Variants in IREB2 observed in about 807,000 individuals in gnomAD.
IREB2 encodes iron responsive element binding protein 2.
A neutral mutation model predicts 118.8 loss-of-function variants in IREB2; 39 were observed. The ratio of observed to expected loss-of-function variants is 0.33; its 90% CI spans 0.25 to 0.43. The LOEUF is 0.43. Ranked by LOEUF, IREB2 falls within the 20% of genes least tolerant of loss-of-function variation. The probability of loss-of-function intolerance (pLI) is 1.00; values close to 1 mark genes in which losing one functional copy is unlikely to be tolerated. For synonymous variants in IREB2, 372 were observed against 392.2 expected (o/e 0.95, Z 0.61); for missense variants, 900 against 1,147.3 (o/e 0.78, Z 3.11).
chr15:78,493,858 G>A (rs765412362), intron 18 of IREB2, 51 bp from the exon 19 acceptor site: 23 of 1,558,346 alleles, frequency 1.5e-5, no homozygotes, highest in Non-Finnish European at 1.9e-5. Context: ...TCAATAGTAT[G>A]TGATTATTTT....
At chr15:78,449,205 G>A (rs1157400402) in intron 2 of IREB2, among the ~76,000 whole-genome samples, 2 of 152,046 alleles carry the variant, frequency 1.3e-5, no homozygotes, top group Non-Finnish European at 2.9e-5. Flanking sequence ...AGTAATGTCA[G>A]TAATAAAAAA....
intron 16 of IREB2, among the ~76,000 whole-genome samples, chr15:78,489,346 C>T (rs916560998): frequency 1.3e-5 from 2 of 152,034 alleles, no homozygotes; most frequent in African/African-American, 4.8e-5. Flanking sequence ...GCACATCCCG[C>T]ATATGTACCC....
chr15:78,476,098 G>A, intron 8 of IREB2, 90 bp from the exon 9 acceptor site: 1 of 925,582 alleles, frequency 1.1e-6, no homozygotes, highest in Non-Finnish European at 1.6e-6. Flanking sequence ...CACTAGTATT[G>A]GTTAAAAATT....
At chr15:78,482,142 A>C (rs1336346200) in intron 10 of IREB2, among the ~76,000 whole-genome samples, 1 of 152,092 alleles carries the variant, frequency 6.6e-6, no homozygotes, top group East Asian at 1.9e-4. Context: ...AGGCGGGAGG[A>C]TCACTTGAGC....
chr15:78,476,586 T>G, intron 9 of IREB2: 2 of 320,322 alleles, frequency 6.2e-6, no homozygotes, highest in South Asian at 1.4e-4. Context: ...TTCAAACCAT[T>G]GATCCTGACT....
chr15:78,466,212 A>G (rs2051279160), intron 4 of IREB2, 59 bp from the exon 5 acceptor site: 5 of 1,146,744 alleles, frequency 4.4e-6, no homozygotes, highest in Non-Finnish European at 6.3e-6. Flanking sequence ...TTTTTTTTTA[A>G]GAGCTAAATT....
chr15:78,468,350 C>T (rs1269278596), intron 5 of IREB2, among the ~76,000 whole-genome samples: 1 of 151,970 alleles, frequency 6.6e-6, no homozygotes, highest in Non-Finnish European at 1.5e-5. Flanking sequence ...CTTAAATGAT[C>T]CTCCTGCCTC....
chr15:78,488,031 CA>C, intron 14 of IREB2, 148 bp from the exon 15 acceptor site: 1 of 712,178 alleles, frequency 1.4e-6, no homozygotes, highest in Non-Finnish European at 2.2e-6. Flanking sequence ...AGTTTATTTG[CA>C]AGATGCATAG....
intron 2 of IREB2, among the ~76,000 whole-genome samples, chr15:78,445,745 T>A (rs2050918288): frequency 6.6e-6 from 1 of 152,200 alleles, no homozygotes; most frequent in African/African-American, 2.4e-5. Flanking sequence ...ACTAACCGGT[T>A]AAGAGTGTAC....
At chr15:78,449,274 T>C (rs1050304941) in intron 2 of IREB2, among the ~76,000 whole-genome samples, 2 of 152,218 alleles carry the variant, frequency 1.3e-5, no homozygotes, top group Non-Finnish European at 2.9e-5. Flanking sequence ...TAAGCTCTGT[T>C]ATACACTTGG....
At chr15:78,480,282 G>C (rs1391749159) in intron 10 of IREB2, 1 of 152,122 alleles carries the variant, frequency 6.6e-6, no homozygotes, top group East Asian at 1.9e-4. Flanking sequence ...CTAGTGCTTT[G>C]TCCATTTTTT....
In IREB2 at chr15:78,482,987, C is replaced by T. The variant is rs532197692; in HGVS notation, c.1297-331C>T. ...ATCTCCTGACCTCGTGACCTGCCCA[C>T]CTCGGCCTCCCAGAGTGCTGGGATT... is the stretch of plus-strand genomic sequence containing the variant. On this transcript the variant is annotated intron_variant, in intron 10 of 21. Transcript: ENST00000258886. 9.9e-5 allele frequency among the ~76,000 whole-genome samples: 15 copies of T among 152,248 alleles called. No individual in the cohort carries two copies. In the East Asian group the frequency reaches 2.7e-3, roughly 27 times the overall value.
rs1595980437 is a variant in IREB2, at chr15:78,439,828, A to G, written c.53A>G (p.Asn18Ser). ...TTTGAGTACCTTATTGAAACATTAAATGACAGTTCACATAAGAAGTTCTTC... is the reference window on the plus strand; with the variant it reads ...TTTGAGTACCTTATTGAAACATTAAGTGACAGTTCACATAAGAAGTTCTTC... ...YAFEYLIETL[N>S]DSSHKKFFDV... Residue 18 changes from asparagine to serine, a missense_variant, in exon 2 of 22, where the codon AAT (asparagine) becomes AGT (serine). Physicochemically the swap from Asn to Ser is conservative, Grantham distance 46 (BLOSUM62 1). Coordinates refer to ENST00000258886, the MANE Select transcript of IREB2 (RefSeq NM_004136.4). 6.3e-7 allele frequency: 1 copy of G among 1,599,190 alleles called. No individual in the cohort carries two copies. Among genetic ancestry groups the G allele is most frequent in the Admixed American group, 1.7e-5 (1 of 57,804 alleles).
chr15:78,488,540 C>T (rs2051697290), intron 15 of IREB2, 107 bp from the exon 16 acceptor site: 1 of 1,157,358 alleles, frequency 8.6e-7, no homozygotes, highest in Non-Finnish European at 1.2e-6. Context: ...AAGCCTGAAG[C>T]ACCCTGTTGA....
At chr15:78,466,540 TAAG>T in intron 5 of IREB2, 51 bp downstream of exon 5, 2 of 1,273,806 alleles carry the variant, frequency 1.6e-6, no homozygotes, top group South Asian at 1.2e-5. Context: ...ATTTTCCAGT[TAAG>T]AAAATCAAAT....
At chr15:78,495,435 A>C (rs751535481) in intron 20 of IREB2, among the ~76,000 whole-genome samples, 4 of 152,084 alleles carry the variant, frequency 2.6e-5, no homozygotes, top group African/African-American at 7.2e-5. Flanking sequence ...CAAGCCATGG[A>C]TGGGGGCTGG....
Position 78,490,616 on chromosome 15 carries a change from T to C in IREB2, c.2182-3T>C. Reference sequence around the variant, plus strand: ...TTAAATGCCTTGAACTTTTACCTTCTAGACCAAAGAGCCAATTGCACTCCA... The same window carrying C: ...TTAAATGCCTTGAACTTTTACCTTCCAGACCAAAGAGCCAATTGCACTCCA... On this transcript the variant is annotated splice_region_variant and splice_polypyrimidine_tract_variant and intron_variant, in intron 17 of 21. Transcript: ENST00000258886. 1 of 1,613,984 alleles carries C rather than the reference T, an allele frequency of 6.2e-7. No homozygotes were observed.
In IREB2 at chr15:78,494,144, A is replaced by G; in HGVS notation, c.2475A>G (p.Leu825=). The change falls in exon 20 of 22, where the codon CTA becomes CTG. Residue 825 remains leucine, a splice_region_variant and synonymous_variant. Coordinates refer to ENST00000258886, the MANE Select transcript of IREB2 (RefSeq NM_004136.4). The stretch of plus-strand genomic sequence containing the variant: ...TTTGTGTTTGTTTTAATCTACAGCT[A>G]GATGTATTTGAGGCTGCAGAGCTGT... ...KTIHFPSGQT[L]DVFEAAELYQ... 1 of 1,613,672 alleles carries G rather than the reference A, an allele frequency of 6.2e-7. No individual in the cohort carries two copies. Among genetic ancestry groups the G allele is most frequent in the Non-Finnish European group, 8.5e-7 (1 of 1,179,846 alleles).
chr15:78,492,409 T>A lies in IREB2; in HGVS notation c.2325-1500T>A, dbSNP rs181931871. On this transcript the variant is annotated intron_variant, in intron 18 of 21. Transcript: ENST00000258886. The stretch of plus-strand genomic sequence containing the variant: ...AAATAAAATTACAAAGATTACCTGA[T>A]GGTCACAGACCATCAGGCTTCTGTC... 5.4e-3 allele frequency among the ~76,000 whole-genome samples: 551 copies of A among 101,708 alleles called. 3 individuals carry two copies. The highest frequency in any genetic ancestry group is 0.02 in the African/African-American group (535 of 27,156). 66.7% of individuals were successfully genotyped at this position (101,708 alleles called of 152,430 possible).
Sources: allele counts gnomAD v4.1 joint callset (sites outside exome capture counted in the v4.1 genomes callset), GRCh38; gene constraint gnomAD v4.1.1; transcripts MANE v1.5; gene names NCBI Gene and HGNC (gene_info 2026-07-23, HGNC 2026-07-21).